The following GNAQ variants were observed in gnomAD, a reference collection of about 807,000 sequenced individuals.
GNAQ encodes the protein guanine nucleotide-binding protein G(q) subunit alpha.
A neutral mutation model predicts 43.9 loss-of-function variants in GNAQ; 8 were observed. That is an observed-to-expected ratio of 0.18 (90% confidence interval 0.11 to 0.33). The LOEUF (loss-of-function observed/expected upper bound fraction) is 0.33. GNAQ is among the 10% of genes least tolerant of loss of function. GNAQ has a pLI of 1.00. For missense variants in GNAQ, 158 were observed against 450.8 expected, an observed-to-expected ratio of 0.35 and a Z score of 5.88; for synonymous variants, 155 against 170.7, an observed-to-expected ratio of 0.91 and a Z score of 0.71.
intron 1 of GNAQ, among the ~76,000 whole-genome samples, chr9:78,015,023 T>C (rs1823821064): frequency 1.3e-5 from 2 of 152,206 alleles, no homozygotes; most frequent in African/African-American, 4.8e-5. Flanking sequence ...TGTACAGTCA[T>C]GTCCTAGACC....
chr9:77,777,859 T>C (rs1826328082), intron 5 of GNAQ, among the ~76,000 whole-genome samples: 1 of 152,000 alleles, frequency 6.6e-6, no homozygotes, highest in Non-Finnish European at 1.5e-5. Context: ...CGCTAACACA[T>C]TGCTGGTAGG....
At chr9:77,766,682 A>T (rs1826141964) in intron 5 of GNAQ, among the ~76,000 whole-genome samples, 3 of 152,170 alleles carry the variant, frequency 2.0e-5, no homozygotes, top group African/African-American at 7.2e-5. Context: ...AATAGTGTTC[A>T]GATGCCTGGG....
In GNAQ at chr9:77,719,341, A is replaced by G. The variant is rs1201179514; in HGVS notation, c.*1982T>C. On this transcript the variant is annotated 3_prime_UTR_variant, in exon 7 of 7. Coordinates refer to ENST00000286548, the MANE Select transcript of GNAQ (RefSeq NM_002072.5). Reference sequence around the variant, plus strand: ...AAGCCAGTATGGATGCTGCAATATCAAGAGAGATGTATGTACAATGATTAG... The same window carrying G: ...AAGCCAGTATGGATGCTGCAATATCGAGAGAGATGTATGTACAATGATTAG... 8.6e-6 allele frequency: 2 copies of G among 232,722 alleles called. No homozygotes were observed. Among genetic ancestry groups the G allele is most frequent in the African/African-American group, 2.2e-5 (1 of 45,330 alleles). The allele number at this position is 232,722 out of a possible 1,614,324, so 14.4% of individuals were successfully genotyped here.
chr9:78,020,669 T>A (rs1823897774), intron 1 of GNAQ, among the ~76,000 whole-genome samples: 1 of 152,134 alleles, frequency 6.6e-6, no homozygotes, highest in African/African-American at 2.4e-5. Context: ...CACCTCTCCT[T>A]TGCTCTTCTC....
At chr9:77,865,224 T>C (rs1827928755) in intron 2 of GNAQ, among the ~76,000 whole-genome samples, 1 of 152,234 alleles carries the variant, frequency 6.6e-6, no homozygotes, top group Non-Finnish European at 1.5e-5. Context: ...CAAGAGTCAG[T>C]ATAAAGTGAG....
At chr9:77,817,886 T>G (rs79318965) in intron 2 of GNAQ, among the ~76,000 whole-genome samples, 1,546 of 152,138 alleles carry the variant, frequency 0.01, 25 homozygotes, top group African/African-American at 0.036. Context: ...CGGGTGAAGA[T>G]GAAGATGAAT....
intron 1 of GNAQ, among the ~76,000 whole-genome samples, chr9:78,015,799 T>A (rs1823831548): frequency 6.6e-6 from 1 of 152,040 alleles, no homozygotes; most frequent in Non-Finnish European, 1.5e-5. Flanking sequence ...TTTTAGAATA[T>A]CTGTAAAAGG....
intron 5 of GNAQ, among the ~76,000 whole-genome samples, chr9:77,770,225 T>C (rs1219080242): frequency 6.6e-6 from 1 of 152,226 alleles, no homozygotes; most frequent in Non-Finnish European, 1.5e-5. Flanking sequence ...TAGGGTTTTT[T>C]CTCTGTGGAT....
intron 2 of GNAQ, among the ~76,000 whole-genome samples, chr9:77,818,618 A>G (rs943596502): frequency 6.6e-6 from 1 of 152,208 alleles, no homozygotes; most frequent in Non-Finnish European, 1.5e-5. Flanking sequence ...AAAGACAATG[A>G]TGAAAAGGAA....
chr9:77,780,604 C>G (rs927429017), intron 5 of GNAQ, among the ~76,000 whole-genome samples: 2 of 151,816 alleles, frequency 1.3e-5, no homozygotes, highest in African/African-American at 4.8e-5. Context: ...ATAATAACTT[C>G]TCTTTGCTTT....
chr9:78,008,514 A>T (rs774976480), intron 1 of GNAQ, among the ~76,000 whole-genome samples: 2 of 152,252 alleles, frequency 1.3e-5, no homozygotes, highest in African/African-American at 4.8e-5. Context: ...TTTATTTTAC[A>T]TTAAATAATC....
intron 5 of GNAQ, among the ~76,000 whole-genome samples, chr9:77,786,355 C>CAA (rs1226459627): frequency 6.9e-4 from 42 of 60,722 alleles, no homozygotes; most frequent in African/African-American, 2.1e-3. Flanking sequence ...GACTCTGTCT[C>CAA]AAAAAAAAAA....
rs549034511 is a variant in GNAQ at position 77,865,808 on chromosome 9, G to C, written c.322-50038C>G. Among the ~76,000 whole-genome samples, 11 of 152,304 alleles carry C rather than the reference G, an allele frequency of 7.2e-5. No individual in the cohort carries two copies. In the East Asian group the frequency reaches 2.1e-3, roughly 29 times the overall value. On this transcript the variant is annotated intron_variant, in intron 2 of 6. Transcript: ENST00000286548. ...GTATGAGTCTATGAAGTACTGAGTTGGCAAGTGCTGCAAAATGGTAATACA... is the reference window on the plus strand; with the variant it reads ...GTATGAGTCTATGAAGTACTGAGTTCGCAAGTGCTGCAAAATGGTAATACA...
At position 77,878,258 on chromosome 9, in the gene GNAQ, A is replaced by G. The variant is rs1828157687; in HGVS notation, c.321+43903T>C. On this transcript the variant is annotated intron_variant, in intron 2 of 6. Coordinates refer to ENST00000286548, the MANE Select transcript of GNAQ (RefSeq NM_002072.5). Reference sequence around the variant, plus strand: ...TTTTTTTTTTGAAACCCTTCCAAACACAAAAAACCTACAATCCAACCAAAA... The same window carrying G: ...TTTTTTTTTTGAAACCCTTCCAAACGCAAAAAACCTACAATCCAACCAAAA... Among the ~76,000 whole-genome samples, 4 of 148,790 alleles carry G rather than the reference A, an allele frequency of 2.7e-5. No homozygotes were observed. The South Asian group carries it at 8.5e-4, about 32-fold the overall frequency.
chr9:77,993,215 G>A (rs759705287), intron 1 of GNAQ, among the ~76,000 whole-genome samples: 4 of 152,070 alleles, frequency 2.6e-5, no homozygotes, highest in Non-Finnish European at 5.9e-5. Flanking sequence ...TCTCTCTAAT[G>A]GAGAAATATG....
chr9:77,749,945 T>G (rs1231251215), intron 5 of GNAQ, among the ~76,000 whole-genome samples: 4 of 152,142 alleles, frequency 2.6e-5, no homozygotes, highest in Admixed American at 1.3e-4. Context: ...GTTCATATTC[T>G]GTATTTCTTC....
intron 2 of GNAQ, among the ~76,000 whole-genome samples, chr9:77,898,696 G>T (rs1301277725): frequency 2.0e-5 from 3 of 151,772 alleles, no homozygotes; most frequent in Non-Finnish European, 2.9e-5. Context: ...ATTTATAGCA[G>T]GAAAAAGTGA....
At chr9:77,890,529 G>C (rs1828387438) in intron 2 of GNAQ, among the ~76,000 whole-genome samples, 1 of 152,182 alleles carries the variant, frequency 6.6e-6, no homozygotes. Context: ...TTCGAGATCA[G>C]CCTGACCAAC....
At chr9:77,986,935 T>A (rs939113017) in intron 1 of GNAQ, among the ~76,000 whole-genome samples, 1 of 152,108 alleles carries the variant, frequency 6.6e-6, no homozygotes, top group Non-Finnish European at 1.5e-5. Context: ...GATTTTATTC[T>A]TTTATTTATC....
Sources: gnomAD v4.1 joint callset for allele counts (sites outside exome capture counted in the v4.1 genomes callset) on GRCh38, gnomAD v4.1.1 for gene constraint, MANE v1.5 for transcripts, NCBI Gene and HGNC (gene_info 2026-07-23, HGNC 2026-07-21) for gene names.